SPAM1: variants seen among roughly 807,000 people sequenced by gnomAD.
SPAM1 encodes sperm adhesion molecule 1, also known as hyaluronidase PH-20.
In SPAM1, 22 loss-of-function variants were observed where a neutral mutation model predicts 29.6. The observed-to-expected ratio is 0.74, with a 90% CI of 0.53 to 1.06. The LOEUF is 1.06. SPAM1 is among the 50% of genes least tolerant of loss of function. The pLI is 0.00. For synonymous variants in SPAM1, 194 were observed against 204.6 expected (o/e 0.95, Z 0.44); for missense variants, 534 against 604.0 (o/e 0.88, Z 1.21).
intron 2 of SPAM1, among the ~76,000 whole-genome samples, chr7:123,950,194 G>T (rs534143118): frequency 1.3e-5 from 2 of 152,028 alleles, no homozygotes; most frequent in Non-Finnish European, 2.9e-5. Flanking sequence ...GGAGGATAAG[G>T]TTCTCTATTA....
intron 5 of SPAM1, among the ~76,000 whole-genome samples, chr7:123,968,524 C>T (rs1318437230): frequency 1.3e-5 from 2 of 151,896 alleles, no homozygotes; most frequent in Non-Finnish European, 1.5e-5. Flanking sequence ...GAAAGGAGCA[C>T]AGGTGGAGAA....
intron 1 of SPAM1, among the ~76,000 whole-genome samples, chr7:123,937,558 G>A (rs565639278): frequency 2.2e-3 from 289 of 130,500 alleles, no homozygotes; most frequent in Admixed American, 5.5e-3. Flanking sequence ...CCGAGATCGC[G>A]CCACTGCACT....
chr7:123,960,798 G>A (rs969461139), downstream of SPAM1, among the ~76,000 whole-genome samples: 1 of 150,604 alleles, frequency 6.6e-6, no homozygotes, highest in Non-Finnish European at 1.5e-5. Flanking sequence ...TACATTTTCC[G>A]TGAAAAAAAA....
At chr7:123,967,231 ACAGT>A (rs1792437205) in intron 5 of SPAM1, among the ~76,000 whole-genome samples, 1 of 152,042 alleles carries the variant, frequency 6.6e-6, no homozygotes, top group African/African-American at 2.4e-5. Context: ...ATAGCTAGTC[ACAGT>A]GCTAGTCACA....
chr7:123,937,405 T>C (rs1410977521), intron 1 of SPAM1, among the ~76,000 whole-genome samples: 4 of 151,906 alleles, frequency 2.6e-5, no homozygotes, highest in African/African-American at 7.3e-5. Context: ...ATCGAGACCA[T>C]CCTGGATAAC....
At chr7:123,945,667 G>A (rs539131712) in intron 1 of SPAM1, among the ~76,000 whole-genome samples, 1 of 152,294 alleles carries the variant, frequency 6.6e-6, no homozygotes, top group South Asian at 2.1e-4. Flanking sequence ...GGGGGTTTGA[G>A]TCATTAGAAG....
chr7:123,928,443 T>A (rs1183200351), intron 1 of SPAM1, among the ~76,000 whole-genome samples: 1 of 152,174 alleles, frequency 6.6e-6, no homozygotes, highest in African/African-American at 2.4e-5. Context: ...TAAATTTACA[T>A]AACAAACCTC....
intron 1 of SPAM1, among the ~76,000 whole-genome samples, chr7:123,939,240 C>G (rs1808352135): frequency 6.6e-6 from 1 of 152,086 alleles, no homozygotes; most frequent in South Asian, 2.1e-4. Flanking sequence ...CGCCCGCCAT[C>G]ATGCCCGGCT....
intron 1 of SPAM1, among the ~76,000 whole-genome samples, chr7:123,930,333 A>G (rs1415929241): frequency 2.6e-5 from 4 of 152,124 alleles, no homozygotes; most frequent in Non-Finnish European, 5.9e-5. Context: ...ACAGTAACTC[A>G]ATCCAATAAA....
intron 1 of SPAM1, among the ~76,000 whole-genome samples, chr7:123,928,668 G>A (rs1407078339): frequency 6.6e-6 from 1 of 152,180 alleles, no homozygotes; most frequent in Non-Finnish European, 1.5e-5. Flanking sequence ...TCCAGTTCTT[G>A]ATCTTCTATT....
intron 1 of SPAM1, among the ~76,000 whole-genome samples, chr7:123,932,726 C>G (rs1303838168): frequency 6.6e-6 from 1 of 152,166 alleles, no homozygotes; most frequent in Admixed American, 6.5e-5. Flanking sequence ...TCCTGCTAAT[C>G]TGAATTTGAA....
At chr7:123,964,626 C>T (rs1321761250), downstream of SPAM1, among the ~76,000 whole-genome samples, 1 of 151,818 alleles carries the variant, frequency 6.6e-6, no homozygotes, top group African/African-American at 2.4e-5. Context: ...CTGAGTTCAA[C>T]TGATCCTCCC....
At chr7:123,944,735 T>C (rs1032005727) in intron 1 of SPAM1, among the ~76,000 whole-genome samples, 3 of 152,098 alleles carry the variant, frequency 2.0e-5, no homozygotes, top group African/African-American at 7.2e-5. Flanking sequence ...AAAACAATTA[T>C]GACCCAAAGA....
chr7:123,949,559 C>G (rs1450285019), intron 1 of SPAM1, among the ~76,000 whole-genome samples: 1 of 152,042 alleles, frequency 6.6e-6, no homozygotes, highest in African/African-American at 2.4e-5. Context: ...CATTTCTTAT[C>G]ATTGGTATTG....
Position 123,954,363 on chromosome 7 carries a change from T to C in SPAM1, c.793T>C (p.Leu265=), listed in dbSNP as rs750204136. Residue 265 remains leucine, a synonymous_variant, in exon 3 of 5, where the codon TTG becomes CTG. Coordinates refer to ENST00000682466, the MANE Select transcript of SPAM1 (RefSeq NM_153189.3). ...ESTALYPSIY[L]NTQQSPVAAT... is the part of the protein sequence containing the mutation. The stretch of plus-strand genomic sequence containing the variant: ...CACTGCTCTTTACCCATCCATTTAT[T>C]TGAACACTCAGCAGTCTCCTGTAGC... The C allele has an allele frequency of 9.3e-6, 15 of 1,613,506 alleles. No homozygotes were observed. The highest frequency in any genetic ancestry group is 1.3e-5 in the Non-Finnish European group (15 of 1,179,656).
At chr7:123,938,261 C>G (rs560727339) in intron 1 of SPAM1, among the ~76,000 whole-genome samples, 4 of 152,072 alleles carry the variant, frequency 2.6e-5, no homozygotes, top group Non-Finnish European at 4.4e-5. Context: ...TACCACCATG[C>G]CTGGCTGTAG....
At position 123,959,960 on chromosome 7, in the gene SPAM1, G is replaced by A. The variant is rs757443409; in HGVS notation, c.1521G>A (p.Ala507=). The part of the protein sequence containing the change: ...SILFLIISSV[A]SL Reference sequence around the variant, plus strand: ...TGTTTCTTATCATTTCTTCTGTAGCGAGTTTGTAATTGCGCAGGTTAGCTG... The same window carrying A: ...TGTTTCTTATCATTTCTTCTGTAGCAAGTTTGTAATTGCGCAGGTTAGCTG... The change falls in exon 5 of 5, where the codon GCG becomes GCA. Residue 507 remains alanine, a synonymous_variant. Transcript: ENST00000682466. 1.3e-5 allele frequency: 21 copies of A among 1,605,702 alleles called. No individual in the cohort carries two copies. Among genetic ancestry groups the A allele is most frequent in the Non-Finnish European group, 1.5e-5 (18 of 1,177,040 alleles).
chr7:123,956,581 G>A (rs1382610255), intron 4 of SPAM1, among the ~76,000 whole-genome samples: 1 of 151,446 alleles, frequency 6.6e-6, no homozygotes, highest in African/African-American at 2.4e-5. Flanking sequence ...AAATATTCAG[G>A]GATTTTGTGA....
At chr7:123,966,154 C>G (rs115571712) in intron 5 of SPAM1, among the ~76,000 whole-genome samples, 110 of 151,874 alleles carry the variant, frequency 7.2e-4, no homozygotes, top group Non-Finnish European at 1.2e-3. Context: ...ATGTGGCCAA[C>G]AAACAAATGA....
Sources: allele counts gnomAD v4.1 joint callset (sites outside exome capture counted in the v4.1 genomes callset), GRCh38; gene constraint gnomAD v4.1.1; transcripts MANE v1.5; gene names NCBI Gene and HGNC (gene_info 2026-07-23, HGNC 2026-07-21).